The following B3GALT1 variants were observed in gnomAD, a reference collection of about 807,000 sequenced individuals.
B3GALT1 encodes UDP-Gal:betaGlcNAc beta 1,3-galactosyltransferase, polypeptide 1.
Under a neutral mutation model 23.2 loss-of-function variants are expected in B3GALT1, and 10 were observed. The ratio of observed to expected loss-of-function variants is 0.43; its 90% CI spans 0.27 to 0.73. The LOEUF is 0.73. B3GALT1 is among the 30% of genes least tolerant of loss of function. The pLI is 0.21. For synonymous variants in B3GALT1, 156 were observed against 141.5 expected, an observed-to-expected ratio of 1.10 and a Z score of -0.73; for missense variants, 299 against 405.4, an observed-to-expected ratio of 0.74 and a Z score of 2.25.
intron 1 of B3GALT1, among the ~76,000 whole-genome samples, chr2:167,413,549 A>G (rs1698423583): frequency 6.6e-6 from 1 of 151,966 alleles, no homozygotes; most frequent in South Asian, 2.1e-4. Flanking sequence ...TGTATTGTTG[A>G]ATGCATATGT....
chr2:167,851,517 T>G (rs1163910490), intron 4 of B3GALT1, among the ~76,000 whole-genome samples: 1 of 152,326 alleles, frequency 6.6e-6, no homozygotes, highest in East Asian at 1.9e-4. Flanking sequence ...CTCAAAGGAA[T>G]GGATCATATT....
chr2:167,511,203 A>G (rs1324157498), intron 2 of B3GALT1, among the ~76,000 whole-genome samples: 2 of 152,192 alleles, frequency 1.3e-5, no homozygotes, highest in Non-Finnish European at 2.9e-5. Flanking sequence ...AGTAATTAAA[A>G]CGATATGGAA....
chr2:167,508,053 C>T (rs1335594150), intron 2 of B3GALT1, among the ~76,000 whole-genome samples: 4 of 151,986 alleles, frequency 2.6e-5, no homozygotes, highest in Non-Finnish European at 4.4e-5. Context: ...CTCTGGGAGT[C>T]CCTTTTATAA....
chr2:167,322,026 G>A (rs944288658), intron 1 of B3GALT1, among the ~76,000 whole-genome samples: 2 of 151,984 alleles, frequency 1.3e-5, no homozygotes, highest in Admixed American at 1.3e-4. Context: ...CAGTGACATA[G>A]TTGATTCTAA....
At chr2:167,443,738 A>C (rs1264673859) in intron 1 of B3GALT1, among the ~76,000 whole-genome samples, 8 of 152,194 alleles carry the variant, frequency 5.3e-5, no homozygotes, top group Non-Finnish European at 1.2e-4. Flanking sequence ...ACTTTGCTGA[A>C]GTTGCTTATC....
At chr2:167,597,947 CATAG>C (rs1291416706) in intron 2 of B3GALT1, among the ~76,000 whole-genome samples, 2 of 152,060 alleles carry the variant, frequency 1.3e-5, no homozygotes, top group African/African-American at 2.4e-5. Context: ...TAAATTAAAC[CATAG>C]ATAGACCTGC....
intron 2 of B3GALT1, among the ~76,000 whole-genome samples, chr2:167,646,394 G>A (rs1421844520): frequency 3.3e-5 from 5 of 152,146 alleles, no homozygotes; most frequent in Middle Eastern, 3.2e-3. Flanking sequence ...TGAAGGGAGC[G>A]AGAGAGAACT....
chr2:167,756,647 C>A (rs1182647583), intron 3 of B3GALT1, among the ~76,000 whole-genome samples: 1 of 152,190 alleles, frequency 6.6e-6, no homozygotes, highest in East Asian at 1.9e-4. Context: ...GGCTAAGCTT[C>A]CGGGGGTGGA....
At chr2:167,531,765 T>G (rs931617406) in intron 2 of B3GALT1, among the ~76,000 whole-genome samples, 2 of 152,206 alleles carry the variant, frequency 1.3e-5, no homozygotes, top group African/African-American at 4.8e-5. Flanking sequence ...TTAACTATTA[T>G]GACAATATAT....
chr2:167,330,944 C>T (rs1383219629), intron 1 of B3GALT1, among the ~76,000 whole-genome samples: 2 of 151,848 alleles, frequency 1.3e-5, no homozygotes, highest in Non-Finnish European at 2.9e-5. Flanking sequence ...ATCTGCACAT[C>T]TAGTGTGACA....
chr2:167,631,077 A>T (rs1027541131), intron 2 of B3GALT1, among the ~76,000 whole-genome samples: 10 of 151,898 alleles, frequency 6.6e-5, no homozygotes, highest in African/African-American at 2.4e-5. Flanking sequence ...ATTTTTTACC[A>T]TATTCATATG....
chr2:167,331,722 C>A (rs1297769198), intron 1 of B3GALT1, among the ~76,000 whole-genome samples: 1 of 152,126 alleles, frequency 6.6e-6, no homozygotes, highest in East Asian at 1.9e-4. Context: ...CTGGTGGTAC[C>A]TAAAGACACT....
intron 2 of B3GALT1, among the ~76,000 whole-genome samples, chr2:167,594,942 G>T (rs533065089): frequency 6.6e-6 from 1 of 152,134 alleles, no homozygotes; most frequent in East Asian, 1.9e-4. Context: ...TTGGATAATG[G>T]ACAAACGTGT....
chr2:167,401,554 C>A (rs181771874), intron 1 of B3GALT1, among the ~76,000 whole-genome samples: 1 of 152,194 alleles, frequency 6.6e-6, no homozygotes, highest in East Asian at 1.9e-4. Context: ...TTTAACAAGA[C>A]CTTTTTCACA....
rs188607940 is a variant in B3GALT1 at position 167,342,236 on chromosome 2, G to A, written c.-511+48902G>A. On this transcript the variant is annotated intron_variant, in intron 1 of 4. Transcript: ENST00000392690. ...AAAAAAGACACATCTTGAAAATGTC[G>A]AAGAAAAGTCAAAAGATCTTGGAAT... is the stretch of plus-strand genomic sequence containing the variant. Among the ~76,000 whole-genome samples the A allele has an allele frequency of 2.5e-4, 38 of 152,184 alleles. No homozygotes were observed. The South Asian group carries it at 3.1e-3, about 12-fold the overall frequency.
At chr2:167,762,592 A>C (rs867779644) in intron 3 of B3GALT1, among the ~76,000 whole-genome samples, 7 of 151,958 alleles carry the variant, frequency 4.6e-5, no homozygotes, top group Admixed American at 1.3e-4. Context: ...AAAAAAAAAA[A>C]AAAACACTAA....
intron 3 of B3GALT1, among the ~76,000 whole-genome samples, chr2:167,677,594 C>T (rs980364467): frequency 1.3e-5 from 2 of 152,184 alleles, no homozygotes; most frequent in African/African-American, 4.8e-5. Flanking sequence ...TCACTATAGA[C>T]ACCCTCACAC....
Position 167,507,467 on chromosome 2 carries a change from C to T in B3GALT1, c.-410+17190C>T, listed in dbSNP as rs138223879. ...GTTGCAGTGAACCAAGATCGCGCCA[C>T]TGCACTCCAGCCTGGAGACAGAGGA... On this transcript the variant is annotated intron_variant, in intron 2 of 4. Transcript: ENST00000392690. Among the ~76,000 whole-genome samples, 701 of 130,652 alleles carry T rather than the reference C, an allele frequency of 5.4e-3. 6 individuals carry two copies. The highest frequency in any genetic ancestry group is 0.019 in the African/African-American group (659 of 34,994). The allele number at this position is 130,652 out of a possible 152,430, so 85.7% of individuals were successfully genotyped here.
intron 2 of B3GALT1, among the ~76,000 whole-genome samples, chr2:167,644,769 G>A (rs1042143452): frequency 8.5e-6 from 1 of 117,494 alleles, no homozygotes; most frequent in Non-Finnish European, 1.6e-5. Context: ...GACAGAGTGA[G>A]ACTCTGTCTT....
Sources: allele counts gnomAD v4.1 joint callset (sites outside exome capture counted in the v4.1 genomes callset), GRCh38; gene constraint gnomAD v4.1.1; transcripts MANE v1.5; gene names NCBI Gene and HGNC (gene_info 2026-07-23, HGNC 2026-07-21).